Variants in CNTLN observed in about 807,000 individuals in gnomAD.
The protein encoded by CNTLN is centlein.
CNTLN carries 212 observed loss-of-function variants against 180.0 expected under a neutral mutation model. The observed-to-expected ratio is 1.18, with a 90% CI of 1.05 to 1.32. The LOEUF is 1.32. CNTLN is among the 40% of genes most tolerant of loss of function. The pLI is 0.00. For synonymous variants in CNTLN, 722 were observed against 563.1 expected (o/e 1.28, Z -3.99); for missense variants, 2,095 against 1,610.9 (o/e 1.30, Z -5.14).
In CNTLN at chr9:17,135,528, C is replaced by T. The variant is rs1219523517; in HGVS notation, c.360+103C>T. 5 of 1,391,264 alleles carry T rather than the reference C, an allele frequency of 3.6e-6. No homozygotes were observed. In the East Asian group the frequency reaches 1.0e-4, roughly 29 times the overall value. The allele number at this position is 1,391,264 out of a possible 1,614,324, so 86.2% of individuals were successfully genotyped here. A position where few individuals can be genotyped will look rare whatever the true frequency, so the allele number is the denominator to read the frequency against. ...CTGCCTTGGGACCTACCCCGCCCAG[C>T]GACGCTCCCTGGCAGATGCACACCC... On this transcript the variant is annotated intron_variant, in intron 1 of 25. Coordinates refer to ENST00000380647, the MANE Select transcript of CNTLN (RefSeq NM_017738.4).
At chr9:17,325,158 T>A (rs924353431) in intron 8 of CNTLN, among the ~76,000 whole-genome samples, 5 of 123,870 alleles carry the variant, frequency 4.0e-5, no homozygotes, top group African/African-American at 1.3e-4. Context: ...TACAATATTA[T>A]GTTAAATTGA....
intron 19 of CNTLN, among the ~76,000 whole-genome samples, chr9:17,458,649 C>T (rs1319295000): frequency 6.6e-6 from 1 of 151,832 alleles, no homozygotes; most frequent in Non-Finnish European, 1.5e-5. Flanking sequence ...CAGATTTACT[C>T]ATAGGATAAA....
intron 18 of CNTLN, among the ~76,000 whole-genome samples, chr9:17,420,278 A>G (rs1479640528): frequency 2.6e-5 from 4 of 152,056 alleles, no homozygotes; most frequent in Middle Eastern, 6.3e-3. Context: ...GGATTTCTTC[A>G]TGGTTCAATC....
chr9:17,335,792 A>G (rs1173515255), intron 10 of CNTLN, among the ~76,000 whole-genome samples: 1 of 151,922 alleles, frequency 6.6e-6, no homozygotes, highest in East Asian at 1.9e-4. Flanking sequence ...AGACAAAAAA[A>G]TGAGCTGGGT....
chr9:17,504,304 T>C (rs1833890974), downstream of CNTLN, among the ~76,000 whole-genome samples: 1 of 152,132 alleles, frequency 6.6e-6, no homozygotes, highest in Non-Finnish European at 1.5e-5. Context: ...TTCATCACAA[T>C]ATTCCCAACT....
the CNTLN span, among the ~76,000 whole-genome samples, chr9:17,522,144 T>A: frequency 1.3e-5 from 2 of 152,094 alleles, no homozygotes; most frequent in Non-Finnish European, 2.9e-5. Context: ...ACTACCTAGC[T>A]CCCAGGGATT....
intron 18 of CNTLN, among the ~76,000 whole-genome samples, chr9:17,431,617 A>C (rs902794864): frequency 6.6e-6 from 1 of 152,042 alleles, no homozygotes; most frequent in African/African-American, 2.4e-5. Context: ...ATTGGCCCAA[A>C]CCAGTGCCCT....
At chr9:17,266,747 G>A (rs1213935942) in intron 5 of CNTLN, among the ~76,000 whole-genome samples, 1 of 152,166 alleles carries the variant, frequency 6.6e-6, no homozygotes, top group Non-Finnish European at 1.5e-5. Context: ...ATATATTTAG[G>A]ATAGTGAGCT....
chr9:17,135,340 T>C lies in CNTLN; in HGVS notation c.275T>C (p.Ile92Thr), dbSNP rs771108221. ...APMGSRRLEG[I>T]SVEEAMVTRT... is the part of the protein sequence containing the mutation. The stretch of plus-strand genomic sequence containing the variant: ...ATGGGGTCCAGACGGCTAGAGGGCA[T>C]CTCGGTAGAGGAGGCGATGGTGACC... Residue 92 changes from isoleucine to threonine, a missense_variant, in exon 1 of 26, where the codon ATC (isoleucine) becomes ACC (threonine). By Grantham distance (89) the Ile-to-Thr change is moderately conservative. Coordinates refer to ENST00000380647, the MANE Select transcript of CNTLN (RefSeq NM_017738.4). The C allele has an allele frequency of 6.2e-7, 1 of 1,601,974 alleles. No individual in the cohort carries two copies. Among genetic ancestry groups the C allele is most frequent in the Non-Finnish European group, 8.5e-7 (1 of 1,175,218 alleles).
intron 23 of CNTLN, among the ~76,000 whole-genome samples, chr9:17,477,704 G>A (rs1323779852): frequency 6.6e-6 from 1 of 152,230 alleles, no homozygotes; most frequent in Non-Finnish European, 1.5e-5. Context: ...CTGAATGGAT[G>A]AGGAGTTGCC....
chr9:17,311,464 T>TTC (rs1312287971), intron 8 of CNTLN, among the ~76,000 whole-genome samples: 3 of 151,560 alleles, frequency 2.0e-5, no homozygotes, highest in Non-Finnish European at 4.4e-5. Context: ...TTTTTTTTTT[T>TTC]TTTAAGGCAG....
intron 15 of CNTLN, among the ~76,000 whole-genome samples, chr9:17,406,984 T>C (rs1827442380): frequency 6.7e-6 from 1 of 148,528 alleles, no homozygotes; most frequent in African/African-American, 2.6e-5. Context: ...CATATTGAAT[T>C]TCTGCTAAGT....
chr9:17,425,870 T>G (rs1349723029), intron 18 of CNTLN, among the ~76,000 whole-genome samples: 1 of 152,222 alleles, frequency 6.6e-6, no homozygotes, highest in African/African-American at 2.4e-5. Context: ...CCTGATTGCT[T>G]GGTTAAATCT....
At chr9:17,141,566 T>C (rs1461735677) in intron 1 of CNTLN, among the ~76,000 whole-genome samples, 3 of 152,092 alleles carry the variant, frequency 2.0e-5, no homozygotes, top group Non-Finnish European at 2.9e-5. Flanking sequence ...TCTTGTAGCC[T>C]TGACACAGAG....
rs529903687 is a variant in CNTLN at position 17,168,018 on chromosome 9, C to G, written c.449+24642C>G. On this transcript the variant is annotated intron_variant, in intron 2 of 25. Transcript: ENST00000380647. ...CTGACAAGATTACACATGTCAGACTCTGGGAAAATTACCCCGTCACTTCTG... is the reference window on the plus strand; with the variant it reads ...CTGACAAGATTACACATGTCAGACTGTGGGAAAATTACCCCGTCACTTCTG... The G allele has an allele frequency of 1.4e-4, 21 of 152,206 alleles. 1 individual carries two copies. The highest frequency in any genetic ancestry group is 4.6e-4 in the African/African-American group (19 of 41,544). The allele number at this position is 152,206 out of a possible 1,614,324, so 9.4% of individuals were successfully genotyped here. A position where few individuals can be genotyped will look rare whatever the true frequency, so the allele number is the denominator to read the frequency against.
At chr9:17,319,101 A>G (rs2133020419) in intron 8 of CNTLN, among the ~76,000 whole-genome samples, 1 of 152,328 alleles carries the variant, frequency 6.6e-6, no homozygotes, top group East Asian at 1.9e-4. Flanking sequence ...AGAGGAAGGG[A>G]TTACCAAAGC....
intron 23 of CNTLN, among the ~76,000 whole-genome samples, chr9:17,469,260 C>A (rs1831923146): frequency 1.3e-5 from 2 of 151,742 alleles, no homozygotes; most frequent in South Asian, 4.1e-4. Flanking sequence ...ATCAGTTTGA[C>A]ATTTAGTAAG....
At chr9:17,520,938 T>G in the CNTLN span, among the ~76,000 whole-genome samples, 20 of 152,306 alleles carry the variant, frequency 1.3e-4, no homozygotes, top group African/African-American at 3.6e-4. Context: ...CGAAGCTGCT[T>G]CTTCTTCTGG....
intron 12 of CNTLN, among the ~76,000 whole-genome samples, chr9:17,363,473 G>A (rs1187657215): frequency 6.6e-6 from 1 of 151,376 alleles, no homozygotes; most frequent in East Asian, 1.9e-4. Context: ...TTTTAAAAAT[G>A]ACTTTCTTGC....
Sources: gnomAD v4.1 joint callset for allele counts (sites outside exome capture counted in the v4.1 genomes callset) on GRCh38, gnomAD v4.1.1 for gene constraint, MANE v1.5 for transcripts, NCBI Gene and HGNC (gene_info 2026-07-23, HGNC 2026-07-21) for gene names.